Variants in CSMD1 observed in about 807,000 individuals in gnomAD.
The protein encoded by CSMD1 is CUB and sushi domain-containing protein 1.
In CSMD1, 213 loss-of-function variants were observed where a neutral mutation model predicts 417.5. The ratio of observed to expected loss-of-function variants is 0.51; its 90% confidence interval spans 0.46 to 0.57. CSMD1 has a LOEUF of 0.57. Ranked by LOEUF, CSMD1 falls within the 20% of genes least tolerant of loss-of-function variation. CSMD1 has a pLI of 0.00. For missense variants in CSMD1, 6,923 were observed against 4,529.7 expected, an observed-to-expected ratio of 1.53 and a Z score of -15.17; for synonymous variants, 2,862 against 1,736.8, an observed-to-expected ratio of 1.65 and a Z score of -16.11.
chr8:3,235,323 A>G (rs1466575868), intron 26 of CSMD1, among the ~76,000 whole-genome samples: 2 of 152,226 alleles, frequency 1.3e-5, no homozygotes, highest in African/African-American at 4.8e-5. Context: ...ATGTTTATCA[A>G]AAGAAAAGAT....
chr8:4,152,152 T>G (rs1023494321), intron 3 of CSMD1, among the ~76,000 whole-genome samples: 2 of 152,192 alleles, frequency 1.3e-5, no homozygotes, highest in Middle Eastern at 3.2e-3. Context: ...TTGTTTGAAA[T>G]TGGATAATTT....
intron 11 of CSMD1, among the ~76,000 whole-genome samples, chr8:3,478,660 G>A (rs769394127): frequency 4.6e-5 from 7 of 152,066 alleles, no homozygotes; most frequent in Non-Finnish European, 7.4e-5. Context: ...CAGCAAGCCC[G>A]TTCCTTCTCC....
At chr8:4,033,459 A>C (rs925134389) in intron 3 of CSMD1, among the ~76,000 whole-genome samples, 1 of 152,092 alleles carries the variant, frequency 6.6e-6, no homozygotes, top group Admixed American at 6.5e-5. Flanking sequence ...CAAAACAACA[A>C]CAATAAAAAA....
intron 1 of CSMD1, among the ~76,000 whole-genome samples, chr8:4,914,039 C>T (rs185503372): frequency 2.2e-4 from 33 of 152,196 alleles, no homozygotes; most frequent in African/African-American, 7.9e-4. Context: ...AAGACATTTC[C>T]TGAAGAAACA....
chr8:3,625,047 C>G (rs10503212), intron 7 of CSMD1, among the ~76,000 whole-genome samples: 1 of 150,902 alleles, frequency 6.6e-6, no homozygotes, highest in Admixed American at 6.7e-5. Context: ...CAGCATCCTA[C>G]GAGACATTTC....
At chr8:4,059,919 G>A (rs555433612) in intron 3 of CSMD1, among the ~76,000 whole-genome samples, 1 of 151,802 alleles carries the variant, frequency 6.6e-6, no homozygotes, top group Non-Finnish European at 1.5e-5. Flanking sequence ...TAGAAAAAGA[G>A]GGAATCCTCC....
chr8:4,924,460 C>T (rs766295217), intron 1 of CSMD1, among the ~76,000 whole-genome samples: 1 of 152,100 alleles, frequency 6.6e-6, no homozygotes, highest in African/African-American at 2.4e-5. Flanking sequence ...CGGTGGCTCA[C>T]GCCTGTAATC....
At chr8:4,216,373 C>T (rs1800668189) in intron 3 of CSMD1, among the ~76,000 whole-genome samples, 1 of 152,190 alleles carries the variant, frequency 6.6e-6, no homozygotes, top group African/African-American at 2.4e-5. Context: ...ACATGGTGCA[C>T]ACACCATCAG....
Position 3,547,165 on chromosome 8 carries a change from G to A in CSMD1, c.1344+27780C>T, listed in dbSNP as rs377231364. Among the ~76,000 whole-genome samples the A allele has an allele frequency of 6.6e-5, 10 of 152,206 alleles. No individual in the cohort carries two copies. The South Asian group carries it at 2.1e-3, about 32-fold the overall frequency. On this transcript the variant is annotated intron_variant, in intron 10 of 69. Transcript: ENST00000635120. ...CTGGACAAGCTCTGGGCTTGGCAAA[G>A]ATGAATACCTTGTCTTACACAAGAA...
At chr8:4,273,242 A>T (rs1211933560) in intron 3 of CSMD1, among the ~76,000 whole-genome samples, 1 of 152,140 alleles carries the variant, frequency 6.6e-6, no homozygotes, top group Non-Finnish European at 1.5e-5. Context: ...ATAACTTATA[A>T]AAAGGCAATG....
At chr8:3,902,520 C>A (rs1163353200) in intron 5 of CSMD1, among the ~76,000 whole-genome samples, 3 of 152,198 alleles carry the variant, frequency 2.0e-5, no homozygotes, top group African/African-American at 7.2e-5. Context: ...AGATCATCAG[C>A]CATTAGATTC....
intron 23 of CSMD1, among the ~76,000 whole-genome samples, chr8:3,312,372 G>C (rs551218937): frequency 6.6e-6 from 1 of 152,110 alleles, no homozygotes; most frequent in Non-Finnish European, 1.5e-5. Flanking sequence ...GACCTTGACA[G>C]CATCATTAAA....
rs1019523702 is a variant in CSMD1, at chr8:4,176,315, T to G, written c.416-144216A>C. ...TAGCAAGTGTCCATCTTATCTATAT[T>G]GTTTGCTGACGTCAACCTTTTAAAT... On this transcript the variant is annotated intron_variant, in intron 3 of 69. Coordinates refer to ENST00000635120, the MANE Select transcript of CSMD1 (RefSeq NM_033225.6). 4.6e-5 allele frequency among the ~76,000 whole-genome samples: 7 copies of G among 152,280 alleles called. No homozygotes were observed. In the East Asian group the frequency reaches 1.2e-3, roughly 25 times the overall value.
intron 4 of CSMD1, among the ~76,000 whole-genome samples, chr8:4,014,019 G>C (rs1796401932): frequency 6.6e-6 from 1 of 151,980 alleles, no homozygotes; most frequent in Admixed American, 6.6e-5. Flanking sequence ...AATACTGAAA[G>C]GACATACGGA....
chr8:4,962,353 G>A (rs910903917), intron 1 of CSMD1, among the ~76,000 whole-genome samples: 3 of 151,986 alleles, frequency 2.0e-5, no homozygotes, highest in South Asian at 2.1e-4. Context: ...TAGGACTACA[G>A]GTGCAAGCCA....
chr8:3,525,014 C>G (rs541991218), intron 10 of CSMD1, among the ~76,000 whole-genome samples: 4 of 152,262 alleles, frequency 2.6e-5, no homozygotes, highest in African/African-American at 9.6e-5. Flanking sequence ...ATCAAGTTGG[C>G]ATTTATTTTC....
intron 5 of CSMD1, among the ~76,000 whole-genome samples, chr8:3,890,569 A>C (rs1444995970): frequency 2.0e-5 from 3 of 152,132 alleles, no homozygotes; most frequent in African/African-American, 7.2e-5. Flanking sequence ...AATAGGTAAC[A>C]CATAAGGTTT....
At chr8:4,942,861 G>T (rs570483039) in intron 1 of CSMD1, among the ~76,000 whole-genome samples, 1 of 152,216 alleles carries the variant, frequency 6.6e-6, no homozygotes, top group South Asian at 2.1e-4. Flanking sequence ...ACCTTTATTT[G>T]TATCCAAAAC....
intron 2 of CSMD1, among the ~76,000 whole-genome samples, chr8:4,512,015 C>A (rs1802847670): frequency 6.6e-6 from 1 of 152,120 alleles, no homozygotes; most frequent in South Asian, 2.1e-4. Context: ...CATCGTTTCT[C>A]ATGGACATGG....
Sources: gnomAD v4.1 joint callset for allele counts (sites outside exome capture counted in the v4.1 genomes callset) on GRCh38, gnomAD v4.1.1 for gene constraint, MANE v1.5 for transcripts, NCBI Gene and HGNC (gene_info 2026-07-23, HGNC 2026-07-21) for gene names.